ZNF583: variants seen among roughly 807,000 people sequenced by gnomAD.
The protein encoded by ZNF583 is zinc finger protein L3-5.
ZNF583 carries 30 observed loss-of-function variants against 55.3 expected under a neutral mutation model. The ratio of observed to expected loss-of-function variants is 0.54; its 90% CI spans 0.41 to 0.74. The LOEUF (loss-of-function observed/expected upper bound fraction) is 0.74. ZNF583 is among the 30% of genes least tolerant of loss of function. The pLI is 0.00. For missense variants in ZNF583, 504 were observed against 664.7 expected, an observed-to-expected ratio of 0.76 and a Z score of 2.66; for synonymous variants, 208 against 220.0, an observed-to-expected ratio of 0.95 and a Z score of 0.48.
chr19:56,411,678 T>G (rs939726877), intron 2 of ZNF583, among the ~76,000 whole-genome samples: 13 of 152,214 alleles, frequency 8.5e-5, no homozygotes, highest in Non-Finnish European at 1.8e-4. Context: ...GAGTTTTAAT[T>G]TTTAGACCTG....
At position 56,424,348 on chromosome 19, in the gene ZNF583, C is replaced by A; in HGVS notation, c.1690C>A (p.Pro564Thr). Residue 564 changes from proline (P) to threonine (T), a missense_variant, in exon 5 of 5, where the codon CCT becomes ACT. Coordinates refer to ENST00000333201, the MANE Select transcript of ZNF583 (RefSeq NM_152478.3). ...SPSTSNQLPR[P>T]VGFIS ...CTCCACATCAAATCAGTTGCCAAGA[C>A]CTGTAGGTTTCATCTCCTGAATATT... The A allele has an allele frequency of 6.7e-7, 1 of 1,490,776 alleles. No individual in the cohort carries two copies. Among genetic ancestry groups the A allele is most frequent in the Non-Finnish European group, 9.3e-7 (1 of 1,070,484 alleles). 92.3% of individuals were successfully genotyped at this position (1,490,776 alleles called of 1,614,324 possible).
chr19:56,423,386 T>A lies in ZNF583; in HGVS notation c.728T>A (p.Val243Asp). The A allele has an allele frequency of 6.2e-7, 1 of 1,613,570 alleles. No individual in the cohort carries two copies. The change falls in exon 5 of 5, where the codon GTT becomes GAT. Residue 243 changes from valine (V) to aspartate (D), a missense_variant. Coordinates refer to ENST00000333201, the MANE Select transcript of ZNF583 (RefSeq NM_152478.3). ...ACTGGAGAGAAACCCTATGCATGTG[T>A]TGAATGTGGGAAAACGTTCAGCCAG... ...IHTGEKPYAC[V>D]ECGKTFSQSA...
chr19:56,414,509 A>G, intron 4 of ZNF583, 69 bp downstream of exon 4: 1 of 1,439,866 alleles, frequency 6.9e-7, no homozygotes. Flanking sequence ...GAAAGATTTC[A>G]GTTCATAATT....
Position 56,404,933 on chromosome 19 carries a change from G to A in ZNF583, c.-90+481G>A, listed in dbSNP as rs1600345137. 6.6e-6 allele frequency among the ~76,000 whole-genome samples: 1 copy of A among 152,154 alleles called. No homozygotes were observed. The highest frequency in any genetic ancestry group is 6.5e-5 in the Admixed American group (1 of 15,284). On this transcript the variant is annotated intron_variant, in intron 1 of 4. Transcript: ENST00000333201. The surrounding 1 kb of genome is among the most constrained non-coding windows in gnomAD (Gnocchi z 5.2). ...TGTGTAAGACCATGTCACTGTGTGT[G>A]TGACCTGTGTGTGTGGGATAATGTA... is the stretch of plus-strand genomic sequence containing the variant.
intron 4 of ZNF583, among the ~76,000 whole-genome samples, chr19:56,416,367 C>T (rs1600368837): frequency 6.6e-6 from 1 of 150,452 alleles, no homozygotes; most frequent in Non-Finnish European, 1.5e-5. Context: ...GGTTGCTCTA[C>T]TCATAAATCA....
chr19:56,424,165 T>A lies in ZNF583; in HGVS notation c.1507T>A (p.Tyr503Asn), dbSNP rs1269211717. 2 of 1,611,746 alleles carry A rather than the reference T, an allele frequency of 1.2e-6. No individual in the cohort carries two copies. Among genetic ancestry groups the A allele is most frequent in the African/African-American group, 2.7e-5 (2 of 74,834 alleles). ...ECNVCGKAFS[Y>N]SGSLTLHQRI... ...TAATGTTTGTGGGAAAGCATTTAGC[T>A]ATAGTGGATCTCTTACTCTACATCA... The change falls in exon 5 of 5, where the codon TAT becomes AAT. Residue 503 changes from tyrosine (Y) to asparagine (N), a missense_variant. By Grantham distance (143) the Tyr-to-Asn change is moderately radical. Transcript: ENST00000333201.
chr19:56,424,473 C>T lies in ZNF583; in HGVS notation c.*105C>T. On this transcript the variant is annotated 3_prime_UTR_variant, in exon 5 of 5. Transcript: ENST00000333201. ...ATACTCGAGTAGCTTTCTAATTGGT[C>T]TCCTTGTACTCACCATTGTCTCTGT... 1 of 602,446 alleles carries T rather than the reference C, an allele frequency of 1.7e-6. No homozygotes were observed. Among genetic ancestry groups the T allele is most frequent in the Non-Finnish European group, 2.9e-6 (1 of 339,492 alleles). The allele number at this position is 602,446 out of a possible 1,614,324, so 37.3% of individuals were successfully genotyped here. A position where few individuals can be genotyped will look rare whatever the true frequency, so the allele number is the denominator to read the frequency against.
At chr19:56,414,116 G>A in intron 3 of ZNF583, 31 bp downstream of exon 3, 2 of 1,562,582 alleles carry the variant, frequency 1.3e-6, no homozygotes, top group South Asian at 1.2e-5. Flanking sequence ...TTCAGAATCT[G>A]TACATGGGAC....
At chr19:56,417,631 T>G (rs2042348669) in intron 4 of ZNF583, among the ~76,000 whole-genome samples, 1 of 152,226 alleles carries the variant, frequency 6.6e-6, no homozygotes, top group African/African-American at 2.4e-5. Flanking sequence ...GTTTTTCTGC[T>G]GCCACCTCTG....
At chr19:56,415,977 A>T (rs2042315016) in intron 4 of ZNF583, among the ~76,000 whole-genome samples, 1 of 152,128 alleles carries the variant, frequency 6.6e-6, no homozygotes, top group Non-Finnish European at 1.5e-5. Flanking sequence ...GTTTTCTTTT[A>T]TATGTATAAT....
chr19:56,413,725 C>G (rs1488241924), intron 2 of ZNF583, among the ~76,000 whole-genome samples: 2 of 152,112 alleles, frequency 1.3e-5, no homozygotes, highest in Non-Finnish European at 2.9e-5. Context: ...CCTTTCTCTA[C>G]CAGTAGGATT....
In ZNF583 at chr19:56,425,256, C is replaced by T. The variant is rs1159598211; in HGVS notation, c.*888C>T. On this transcript the variant is annotated 3_prime_UTR_variant, in exon 5 of 5. Coordinates refer to ENST00000333201, the MANE Select transcript of ZNF583 (RefSeq NM_152478.3). ...ATGGAGTCTTGCTCTGTTGCTCAGG[C>T]TTGAGTGCAGTAGTGCAATCTTGGC... 1 of 152,142 alleles carries T rather than the reference C, an allele frequency of 6.6e-6. No individual in the cohort carries two copies. Among genetic ancestry groups the T allele is most frequent in the African/African-American group, 2.4e-5 (1 of 41,394 alleles). 9.4% of individuals were successfully genotyped at this position (152,142 alleles called of 1,614,324 possible). A position where few individuals can be genotyped will look rare whatever the true frequency, so the allele number is the denominator to read the frequency against.
Position 56,422,880 on chromosome 19 carries a change from A to G in ZNF583, c.233-11A>G, listed in dbSNP as rs771163626. 7 of 1,548,050 alleles carry G rather than the reference A, an allele frequency of 4.5e-6. No individual in the cohort carries two copies. Among genetic ancestry groups the G allele is most frequent in the South Asian group, 1.2e-5 (1 of 80,772 alleles). On this transcript the variant is annotated splice_polypyrimidine_tract_variant and intron_variant, in intron 4 of 4. Coordinates refer to ENST00000333201, the MANE Select transcript of ZNF583 (RefSeq NM_152478.3). ...AAATACAAAAGTCATTTGTTTCTTG[A>G]TATCTTTTAGATTGGGAGTATGTAT... is the stretch of plus-strand genomic sequence containing the variant.
chr19:56,406,437 A>T lies in ZNF583; in HGVS notation c.-89-589A>T, dbSNP rs139974559. 2.6e-5 allele frequency among the ~76,000 whole-genome samples: 4 copies of T among 152,186 alleles called. No homozygotes were observed. The East Asian group carries it at 7.7e-4, about 29-fold the overall frequency. On this transcript the variant is annotated intron_variant, in intron 1 of 4. Coordinates refer to ENST00000333201, the MANE Select transcript of ZNF583 (RefSeq NM_152478.3). ...GCCTTCATGTGTGAAAGAGGGGGAA[A>T]TCCTTGCTTGGTAATACCATTCTGT... is the stretch of plus-strand genomic sequence containing the variant.
chr19:56,422,339 A>G (rs2042428506), intron 4 of ZNF583, among the ~76,000 whole-genome samples: 1 of 152,182 alleles, frequency 6.6e-6, no homozygotes, highest in African/African-American at 2.4e-5. Context: ...GCAGGGATCA[A>G]TTGAAAGTTT....
Position 56,406,729 on chromosome 19 carries a change from G to T in ZNF583, c.-89-297G>T, listed in dbSNP as rs559993819. ...TTTTTAGTAGAGACGGGGTTTCCCC[G>T]TGTTAGCCAGGATGGTCTCGATCTC... On this transcript the variant is annotated intron_variant, in intron 1 of 4. Transcript: ENST00000333201. 5.3e-5 allele frequency among the ~76,000 whole-genome samples: 8 copies of T among 152,084 alleles called. No homozygotes were observed. The East Asian group carries it at 1.6e-3, about 30-fold the overall frequency.
intron 4 of ZNF583, among the ~76,000 whole-genome samples, chr19:56,416,324 C>CA (rs34537682): frequency 0.079 from 5,157 of 65,002 alleles, 375 homozygotes; most frequent in East Asian, 0.42. Flanking sequence ...GACTCCGTCT[C>CA]AAAAAAAAAA....
At chr19:56,405,672 CTG>C in intron 1 of ZNF583, among the ~76,000 whole-genome samples, 1 of 152,054 alleles carries the variant, frequency 6.6e-6, no homozygotes, top group Admixed American at 6.6e-5. Flanking sequence ...CTCTCAGTCT[CTG>C]GGGGCACGTG....
chr19:56,411,319 G>T (rs1387134257), intron 2 of ZNF583, among the ~76,000 whole-genome samples: 4 of 151,988 alleles, frequency 2.6e-5, no homozygotes, highest in Non-Finnish European at 5.9e-5. Flanking sequence ...ACAAAGGAGT[G>T]GGGGGAAATC....
Sources: gnomAD v4.1 joint callset for allele counts (sites outside exome capture counted in the v4.1 genomes callset) on GRCh38, gnomAD v4.1.1 for gene constraint, Gnocchi (gnomAD v3.1) non-coding constraint, MANE v1.5 for transcripts, NCBI Gene and HGNC (gene_info 2026-07-23, HGNC 2026-07-21) for gene names.